The following NFIB variants were observed in gnomAD, a reference collection of about 807,000 sequenced individuals.
The protein encoded by NFIB is nuclear factor I B, also known as nuclear factor 1 B-type.
In NFIB, 11 loss-of-function variants were observed where a neutral mutation model predicts 61.5. The ratio of observed to expected loss-of-function variants is 0.18; its 90% confidence interval spans 0.11 to 0.30. The LOEUF (loss-of-function observed/expected upper bound fraction) is 0.30, where lower values mean the gene tolerates loss of function less well. Ranked by LOEUF, NFIB falls within the 10% of genes least tolerant of loss-of-function variation. The probability of loss-of-function intolerance (pLI) is 1.00; values close to 1 mark genes in which losing one functional copy is unlikely to be tolerated. For missense variants in NFIB, 471 were observed against 608.9 expected (o/e 0.77, Z 2.38); for synonymous variants, 260 against 216.5 (o/e 1.20, Z -1.76).
intron 3 of NFIB, among the ~76,000 whole-genome samples, chr9:14,160,625 G>A (rs900036829): frequency 6.6e-6 from 1 of 152,020 alleles, no homozygotes; most frequent in African/African-American, 2.4e-5. Flanking sequence ...TTTTGCAAAG[G>A]TAGCATAACC....
the NFIB span, among the ~76,000 whole-genome samples, chr9:14,473,539 G>T: frequency 2.0e-5 from 3 of 152,168 alleles, no homozygotes; most frequent in African/African-American, 7.2e-5. Flanking sequence ...ACTCACCACT[G>T]TGTTGCTTCT....
At chr9:14,469,099 C>A in the NFIB span, among the ~76,000 whole-genome samples, 1 of 152,308 alleles carries the variant, frequency 6.6e-6, no homozygotes. Flanking sequence ...GTTCCTTTAA[C>A]TGCCTTTGTC....
the NFIB span, among the ~76,000 whole-genome samples, chr9:14,490,920 G>A: frequency 2.0e-5 from 3 of 152,192 alleles, no homozygotes; most frequent in African/African-American, 7.2e-5. Flanking sequence ...AATCTCCAGT[G>A]CAAAGAATGT....
the NFIB span, among the ~76,000 whole-genome samples, chr9:14,444,756 G>T: frequency 6.6e-6 from 1 of 152,088 alleles, no homozygotes; most frequent in African/African-American, 2.4e-5. Flanking sequence ...AAAAACATAT[G>T]TACATCATTA....
At chr9:14,138,662 A>G (rs1017625808) in intron 6 of NFIB, among the ~76,000 whole-genome samples, 3 of 152,196 alleles carry the variant, frequency 2.0e-5, no homozygotes, top group African/African-American at 4.8e-5. Flanking sequence ...AGTAAATGCA[A>G]TAAGACTGGC....
rs1278946648 is a variant in NFIB at position 14,086,256 on chromosome 9, T to G, written c.*2053A>C. 4.6e-6 allele frequency: 1 copy of G among 216,858 alleles called. No homozygotes were observed. Among genetic ancestry groups the G allele is most frequent in the African/African-American group, 2.3e-5 (1 of 44,230 alleles). The allele number at this position is 216,858 out of a possible 1,614,324, so 13.4% of individuals were successfully genotyped here. ...CCTCCCACCCACCCCAGAATATATA[T>G]ATATGTATATTAAAAAAAATCCCCT... On this transcript the variant is annotated 3_prime_UTR_variant, in exon 11 of 11. Transcript: ENST00000380953.
rs576779277 is a variant in NFIB, at chr9:14,246,473, T to A, written c.562+60516A>T. Among the ~76,000 whole-genome samples, 26 of 152,324 alleles carry A rather than the reference T, an allele frequency of 1.7e-4. No individual in the cohort carries two copies. In the South Asian group the frequency reaches 5.2e-3, roughly 30 times the overall value. Reference sequence around the variant, plus strand: ...CAAGTTTAATTTCACTCTGCTGAAGTCCTTCCTAATCAACCCTGCATTGTG... The same window carrying A: ...CAAGTTTAATTTCACTCTGCTGAAGACCTTCCTAATCAACCCTGCATTGTG... On this transcript the variant is annotated intron_variant, in intron 2 of 10. Coordinates refer to ENST00000380953, the MANE Select transcript of NFIB (RefSeq NM_001190737.2).
At chr9:14,221,312 T>C (rs1310834314) in intron 2 of NFIB, among the ~76,000 whole-genome samples, 1 of 152,230 alleles carries the variant, frequency 6.6e-6, no homozygotes, top group Non-Finnish European at 1.5e-5. Context: ...GCAGGAACTA[T>C]GCTAGACATG....
the NFIB span, among the ~76,000 whole-genome samples, chr9:14,489,994 T>A: frequency 6.6e-6 from 1 of 152,272 alleles, no homozygotes; most frequent in Non-Finnish European, 1.5e-5. Flanking sequence ...ATGAACATCT[T>A]TGTACATAAG....
chr9:14,219,365 T>C (rs1351826031), intron 2 of NFIB, among the ~76,000 whole-genome samples: 1 of 115,932 alleles, frequency 8.6e-6, no homozygotes, highest in South Asian at 2.9e-4. Context: ...TATAGAGTCA[T>C]CTTGTAGCAC....
At chr9:14,321,365 T>G (rs369385314) in intron 1 of NFIB, among the ~76,000 whole-genome samples, 6 of 151,872 alleles carry the variant, frequency 4.0e-5, no homozygotes, top group African/African-American at 1.5e-4. Context: ...AGGCTAACAA[T>G]AGGATGCCAC....
intron 3 of NFIB, among the ~76,000 whole-genome samples, chr9:14,163,771 A>G (rs1164982978): frequency 6.6e-6 from 1 of 152,036 alleles, no homozygotes; most frequent in Non-Finnish European, 1.5e-5. Context: ...TGATATGTTC[A>G]TGGAACTTCT....
chr9:14,483,597 G>A, the NFIB span, among the ~76,000 whole-genome samples: 2 of 152,178 alleles, frequency 1.3e-5, no homozygotes, highest in East Asian at 1.9e-4. Flanking sequence ...TTTGGTAAAT[G>A]TGAGTTTGAC....
rs559054681 is a variant in NFIB, at chr9:14,238,746, G to C, written c.563-58966C>G. On this transcript the variant is annotated intron_variant, in intron 2 of 10. Coordinates refer to ENST00000380953, the MANE Select transcript of NFIB (RefSeq NM_001190737.2). ...GTGCTTTGGAACTTGGTATCTTTGG[G>C]AGTGAGTGTCTATTCTCCACGTCTC... Among the ~76,000 whole-genome samples, 12 of 152,216 alleles carry C rather than the reference G, an allele frequency of 7.9e-5. 1 individual carries two copies. In the South Asian group the frequency reaches 2.3e-3, roughly 29 times the overall value.
intron 3 of NFIB, among the ~76,000 whole-genome samples, chr9:14,161,801 A>G (rs891375602): frequency 6.6e-6 from 1 of 152,156 alleles, no homozygotes; most frequent in African/African-American, 2.4e-5. Flanking sequence ...TCCCAGAATT[A>G]GAATTACAGG....
the NFIB span, among the ~76,000 whole-genome samples, chr9:14,446,779 G>C: frequency 7.9e-4 from 120 of 152,176 alleles, no homozygotes; most frequent in African/African-American, 2.7e-3. Context: ...CAAGAGTACA[G>C]GGAATAGTAT....
intron 10 of NFIB, among the ~76,000 whole-genome samples, chr9:14,092,623 A>G (rs988624679): frequency 2.0e-5 from 3 of 152,076 alleles, no homozygotes; most frequent in Non-Finnish European, 4.4e-5. Context: ...GAGACAGTGA[A>G]CTTTTCATGC....
chr9:14,209,408 T>C (rs1053387210), intron 2 of NFIB, among the ~76,000 whole-genome samples: 1 of 152,228 alleles, frequency 6.6e-6, no homozygotes, highest in Non-Finnish European at 1.5e-5. Context: ...TAATTGTGCA[T>C]ACATATTTTT....
the NFIB span, among the ~76,000 whole-genome samples, chr9:14,511,421 T>C: frequency 6.6e-5 from 10 of 152,298 alleles, 1 homozygote; most frequent in East Asian, 1.9e-3. Flanking sequence ...TTTTATGTAA[T>C]CAAATTTATT....
Sources: gnomAD v4.1 joint callset for allele counts (sites outside exome capture counted in the v4.1 genomes callset) on GRCh38, gnomAD v4.1.1 for gene constraint, MANE v1.5 for transcripts, NCBI Gene and HGNC (gene_info 2026-07-23, HGNC 2026-07-21) for gene names.